COG5: variants seen among roughly 807,000 people sequenced by gnomAD.
COG5 encodes conserved oligomeric Golgi complex subunit 5.
A neutral mutation model predicts 110.4 loss-of-function variants in COG5; 86 were observed. The observed-to-expected ratio is 0.78, with a 90% CI of 0.65 to 0.93. The LOEUF (loss-of-function observed/expected upper bound fraction) is 0.93, where lower values mean the gene tolerates loss of function less well. Among genes scored for constraint, COG5 ranks in the 40% least tolerant of loss-of-function variants. COG5 has a pLI of 0.00. For missense variants in COG5, 1,077 were observed against 987.0 expected (o/e 1.09, Z -1.22); for synonymous variants, 360 against 334.6 (o/e 1.08, Z -0.83).
At chr7:107,236,371 G>T in intron 18 of COG5, 79 bp downstream of exon 18, 3 of 1,060,750 alleles carry the variant, frequency 2.8e-6, no homozygotes, top group Non-Finnish European at 3.0e-6. Flanking sequence ...TAAAAACACC[G>T]ATGAAAACAC....
intron 10 of COG5, among the ~76,000 whole-genome samples, chr7:107,329,526 A>G (rs1389785617): frequency 2.0e-5 from 3 of 152,174 alleles, no homozygotes; most frequent in African/African-American, 4.8e-5. Context: ...ACTATACTAT[A>G]TAATAGTAAA....
intron 19 of COG5, among the ~76,000 whole-genome samples, chr7:107,216,870 A>G (rs1291444705): frequency 2.6e-5 from 4 of 152,164 alleles, no homozygotes; most frequent in Non-Finnish European, 4.4e-5. Context: ...TAGCAGAAGG[A>G]AAACAATTCA....
chr7:107,397,176 T>C (rs1791078112), intron 7 of COG5, among the ~76,000 whole-genome samples: 1 of 152,210 alleles, frequency 6.6e-6, no homozygotes, highest in South Asian at 2.1e-4. Context: ...CAGTGAGACA[T>C]AAGGACATGT....
At chr7:107,560,265 A>G (rs1407585065) in intron 1 of COG5, among the ~76,000 whole-genome samples, 1 of 152,198 alleles carries the variant, frequency 6.6e-6, no homozygotes, top group Non-Finnish European at 1.5e-5. Flanking sequence ...CAATTAACCA[A>G]TACACCCAAG....
At chr7:107,512,400 C>T (rs371520656) in intron 6 of COG5, among the ~76,000 whole-genome samples, 2 of 152,086 alleles carry the variant, frequency 1.3e-5, no homozygotes, top group South Asian at 2.1e-4. Flanking sequence ...TAAAAGAGGA[C>T]ACAAACAAAT....
At chr7:107,407,218 C>A (rs192050947) in intron 7 of COG5, among the ~76,000 whole-genome samples, 1 of 151,970 alleles carries the variant, frequency 6.6e-6, no homozygotes, top group Non-Finnish European at 1.5e-5. Context: ...CCCGTCTCTA[C>A]TAAAAATACA....
chr7:107,220,673 G>A (rs1489942967), intron 19 of COG5, among the ~76,000 whole-genome samples: 8 of 152,222 alleles, frequency 5.3e-5, no homozygotes, highest in African/African-American at 1.9e-4. Context: ...TGACGAGGCT[G>A]CTCTCGTGTT....
rs915873686 is a variant in COG5 at position 107,367,087 on chromosome 7, T to G, written c.836-4667A>C. Reference sequence around the variant, plus strand: ...TACAATTGTCACCTTTTTTGTCTCCTACATTTTGTCTCATTTTCCAATTCA... The same window carrying G: ...TACAATTGTCACCTTTTTTGTCTCCGACATTTTGTCTCATTTTCCAATTCA... On this transcript the variant is annotated intron_variant, in intron 8 of 21. Transcript: ENST00000297135. Among the ~76,000 whole-genome samples the G allele has an allele frequency of 4.7e-5, 4 of 84,278 alleles. No individual in the cohort carries two copies. In the African/African-American group the frequency reaches 5.6e-4, roughly 12 times the overall value. 55.3% of individuals were successfully genotyped at this position (84,278 alleles called of 152,430 possible). A position where few individuals can be genotyped will look rare whatever the true frequency, so the allele number is the denominator to read the frequency against.
intron 6 of COG5, among the ~76,000 whole-genome samples, chr7:107,477,552 C>T (rs1797066014): frequency 6.6e-6 from 1 of 151,738 alleles, no homozygotes; most frequent in Non-Finnish European, 1.5e-5. Flanking sequence ...CTATACTTGA[C>T]ACTGAAGCAG....
At chr7:107,456,998 A>G (rs1446620906) in intron 6 of COG5, among the ~76,000 whole-genome samples, 1 of 152,240 alleles carries the variant, frequency 6.6e-6, no homozygotes, top group Non-Finnish European at 1.5e-5. Flanking sequence ...CTGATAGAAC[A>G]AAGTACAACA....
At chr7:107,452,935 T>C (rs957048929) in intron 6 of COG5, among the ~76,000 whole-genome samples, 13 of 152,196 alleles carry the variant, frequency 8.5e-5, no homozygotes, top group Non-Finnish European at 1.9e-4. Context: ...CCTTCCATGA[T>C]CATTTCCCTG....
At chr7:107,494,996 C>T (rs1584893974) in intron 6 of COG5, among the ~76,000 whole-genome samples, 1 of 152,146 alleles carries the variant, frequency 6.6e-6, no homozygotes, top group Middle Eastern at 3.4e-3. Context: ...CATACATATG[C>T]GTGGCAGAGA....
chr7:107,400,013 A>G (rs948386539), intron 7 of COG5, among the ~76,000 whole-genome samples: 7 of 152,086 alleles, frequency 4.6e-5, no homozygotes, highest in African/African-American at 4.8e-5. Flanking sequence ...CTCTTTAAAA[A>G]GTAAACATAA....
chr7:107,300,041 A>G (rs115834683), intron 11 of COG5, among the ~76,000 whole-genome samples: 1 of 151,734 alleles, frequency 6.6e-6, no homozygotes, highest in African/African-American at 2.4e-5. Flanking sequence ...CTGAAAATCA[A>G]TCAATGTGAT....
intron 6 of COG5, among the ~76,000 whole-genome samples, chr7:107,422,039 C>T (rs2129073746): frequency 6.6e-6 from 1 of 152,078 alleles, no homozygotes; most frequent in African/African-American, 2.4e-5. Context: ...AATACAAACT[C>T]CTGCCTCAAG....
chr7:107,292,228 G>T (rs1806234352), intron 12 of COG5, among the ~76,000 whole-genome samples: 1 of 152,006 alleles, frequency 6.6e-6, no homozygotes, highest in South Asian at 2.1e-4. Flanking sequence ...GTAGAGACGG[G>T]GTCTGTTTTG....
At chr7:107,274,650 C>G (rs771529428) in intron 14 of COG5, among the ~76,000 whole-genome samples, 4 of 152,144 alleles carry the variant, frequency 2.6e-5, no homozygotes, top group Admixed American at 2.6e-4. Context: ...TCAGAAAAGA[C>G]ACCTAGCTAG....
At chr7:107,450,900 G>A (rs1240326309) in intron 6 of COG5, among the ~76,000 whole-genome samples, 1 of 152,142 alleles carries the variant, frequency 6.6e-6, no homozygotes, top group African/African-American at 2.4e-5. Context: ...AGAACCCCAT[G>A]AGGTTCAACA....
At chr7:107,489,014 T>A (rs75494752) in intron 6 of COG5, among the ~76,000 whole-genome samples, 2,751 of 152,276 alleles carry the variant, frequency 0.018, 33 homozygotes, top group Middle Eastern at 0.048. Flanking sequence ...TTCCAACCTT[T>A]GGAATGTTCC....
Sources: allele counts gnomAD v4.1 joint callset (sites outside exome capture counted in the v4.1 genomes callset), GRCh38; gene constraint gnomAD v4.1.1; transcripts MANE v1.5; gene names NCBI Gene and HGNC (gene_info 2026-07-23, HGNC 2026-07-21).